GSE1: variants seen among roughly 807,000 people sequenced by gnomAD.
GSE1 encodes the protein Gse1 coiled-coil protein.
Under a neutral mutation model 112.6 loss-of-function variants are expected in GSE1, and 32 were observed. That is an observed-to-expected ratio of 0.28 (90% confidence interval 0.21 to 0.38). GSE1 has a LOEUF of 0.38. GSE1 is among the 10% of genes least tolerant of loss of function. The probability of loss-of-function intolerance (pLI) is 1.00; values close to 1 mark genes in which losing one functional copy is unlikely to be tolerated. For missense variants in GSE1, 2,348 were observed against 1,699.2 expected (o/e 1.38, Z -6.71); for synonymous variants, 1,115 against 735.6 (o/e 1.52, Z -8.35).
chr16:85,560,161 G>A (rs535444513), intron 1 of GSE1, among the ~76,000 whole-genome samples: 1 of 140,182 alleles, frequency 7.1e-6, no homozygotes, highest in Non-Finnish European at 1.5e-5. Context: ...ATGTGAGACG[G>A]AGTCTCTCTC....
At chr16:85,585,290 A>G (rs2046639675) in intron 1 of GSE1, among the ~76,000 whole-genome samples, 1 of 152,188 alleles carries the variant, frequency 6.6e-6, no homozygotes, top group African/African-American at 2.4e-5. Flanking sequence ...CAAGGGCTCC[A>G]GGAACCAGAG....
chr16:85,203,900 G>A (rs888880131), intron 1 of GSE1, among the ~76,000 whole-genome samples: 2 of 152,076 alleles, frequency 1.3e-5, no homozygotes, highest in African/African-American at 4.8e-5. Flanking sequence ...ACCATGACCC[G>A]CTGATTTTTA....
chr16:85,408,510 A>G (rs562654862), intron 2 of GSE1, among the ~76,000 whole-genome samples: 2 of 47,076 alleles, frequency 4.2e-5, no homozygotes, highest in African/African-American at 9.1e-5. Flanking sequence ...CCTCACTGTT[A>G]CACTCAGGCC....
At chr16:85,401,921 G>A (rs1361640328) in intron 2 of GSE1, among the ~76,000 whole-genome samples, 1 of 152,244 alleles carries the variant, frequency 6.6e-6, no homozygotes, top group Non-Finnish European at 1.5e-5. Context: ...GCCCCGCTGT[G>A]AGTGGGCACT....
chr16:85,384,749 T>C (rs1436917766), intron 2 of GSE1, among the ~76,000 whole-genome samples: 1 of 152,098 alleles, frequency 6.6e-6, no homozygotes, highest in Non-Finnish European at 1.5e-5. Context: ...AAGCCCAGGC[T>C]CTCCTGAGGG....
At chr16:85,346,788 T>G (rs2046750762) in intron 1 of GSE1, among the ~76,000 whole-genome samples, 1 of 145,010 alleles carries the variant, frequency 6.9e-6, no homozygotes, top group South Asian at 2.2e-4. Context: ...GATGGATGGA[T>G]GGACAGGTAG....
At chr16:85,198,009 C>T (rs1181714752) in intron 1 of GSE1, among the ~76,000 whole-genome samples, 1 of 152,302 alleles carries the variant, frequency 6.6e-6, no homozygotes, top group East Asian at 1.9e-4. Context: ...ACAACTCCTG[C>T]CTCCTACCGA....
At chr16:85,559,276 G>A (rs938611405) in intron 1 of GSE1, among the ~76,000 whole-genome samples, 3 of 152,246 alleles carry the variant, frequency 2.0e-5, no homozygotes, top group Admixed American at 2.0e-4. Context: ...GATGAGCAAA[G>A]TGAGACCCAG....
In GSE1 at chr16:85,674,125, C is replaced by T. The variant is rs994566977; in HGVS notation, c.*1586C>T. 3.3e-5 allele frequency: 5 copies of T among 152,330 alleles called. No homozygotes were observed. Among genetic ancestry groups the T allele is most frequent in the African/African-American group, 1.2e-4 (5 of 41,462 alleles). 9.4% of individuals were successfully genotyped at this position (152,330 alleles called of 1,614,324 possible). A position where few individuals can be genotyped will look rare whatever the true frequency, so the allele number is the denominator to read the frequency against. On this transcript the variant is annotated 3_prime_UTR_variant, in exon 16 of 16. Coordinates refer to ENST00000253458, the MANE Select transcript of GSE1 (RefSeq NM_014615.5). ...CACCAGAGGCCAGGGCTGCCAGTCA[C>T]TGGTCTGGGGGGTGGAGGCCTGAGC...
chr16:85,316,562 A>G (rs945395356), intron 1 of GSE1, among the ~76,000 whole-genome samples: 1 of 152,222 alleles, frequency 6.6e-6, no homozygotes, highest in African/African-American at 2.4e-5. Context: ...ACTGAGGTCC[A>G]CAGGGGTAAG....
intron 1 of GSE1, among the ~76,000 whole-genome samples, chr16:85,312,159 C>G (rs571577811): frequency 5.9e-4 from 83 of 139,766 alleles, no homozygotes; most frequent in Non-Finnish European, 1.1e-3. Context: ...GTGTGCCCAG[C>G]TCAGAGAACA....
intron 2 of GSE1, among the ~76,000 whole-genome samples, chr16:85,642,009 G>A (rs966037980): frequency 2.0e-4 from 31 of 152,384 alleles, no homozygotes; most frequent in African/African-American, 7.2e-4. Context: ...AGGCTCTGTG[G>A]ACCTGCCCCG....
intron 10 of GSE1, 65 bp from the exon 11 acceptor site, chr16:85,663,279 C>G (rs1021909036): frequency 1.3e-6 from 2 of 1,566,712 alleles, no homozygotes; most frequent in Non-Finnish European, 1.7e-6. Context: ...GGAGGGGACC[C>G]CGGGACAGTG....
intron 2 of GSE1, among the ~76,000 whole-genome samples, chr16:85,489,564 C>T (rs1477697434): frequency 1.3e-5 from 2 of 150,932 alleles, no homozygotes; most frequent in Non-Finnish European, 3.0e-5. Context: ...TGCCCCACAG[C>T]CCCCGCCCCA....
chr16:85,668,365 C>A lies in GSE1; in HGVS notation c.3356C>A (p.Pro1119His). Reference sequence around the variant, plus strand: ...GATGGAGAAGATGAGGAGGAAGTCCCCAAGCGCAAGTGGCAAGGGATCGAG... The same window carrying A: ...GATGGAGAAGATGAGGAGGAAGTCCACAAGCGCAAGTGGCAAGGGATCGAG... ...DEDGEDEEEVPKRKWQGIEAV... is the reference protein window; with the variant it reads ...DEDGEDEEEVHKRKWQGIEAV... Residue 1119 changes from proline to histidine, a missense_variant, in exon 14 of 16, where the codon CCC (proline) becomes CAC (histidine). Pro to His is a moderately conservative substitution (Grantham distance 77, BLOSUM62 -2). Transcript: ENST00000253458. 6.2e-7 allele frequency: 1 copy of A among 1,613,338 alleles called. No individual in the cohort carries two copies. Among genetic ancestry groups the A allele is most frequent in the Non-Finnish European group, 8.5e-7 (1 of 1,179,838 alleles).
intron 1 of GSE1, among the ~76,000 whole-genome samples, chr16:85,246,150 A>G (rs1276754170): frequency 6.7e-6 from 1 of 148,886 alleles, no homozygotes; most frequent in Non-Finnish European, 1.5e-5. Context: ...TTTGGTGGAC[A>G]TGGGGTGCCG....
At chr16:85,360,163 C>T (rs2047032811) in intron 2 of GSE1, among the ~76,000 whole-genome samples, 1 of 152,134 alleles carries the variant, frequency 6.6e-6, no homozygotes, top group East Asian at 1.9e-4. Context: ...AGTCCCTGGT[C>T]CCGGTGGCCA....
Position 85,675,985 on chromosome 16 carries a change from A to G in GSE1, c.*3446A>G, listed in dbSNP as rs147316249. 5.9e-5 allele frequency: 9 copies of G among 152,742 alleles called. No individual in the cohort carries two copies. Among genetic ancestry groups the G allele is most frequent in the East Asian group, 1.9e-4 (1 of 5,188 alleles). 9.5% of individuals were successfully genotyped at this position (152,742 alleles called of 1,614,324 possible). On this transcript the variant is annotated 3_prime_UTR_variant, in exon 16 of 16. Transcript: ENST00000253458. ...TTGTATGTACCCTGTGCTTAATTCTATAACAGTAAACCCCATACGCAGGTG... is the reference window on the plus strand; with the variant it reads ...TTGTATGTACCCTGTGCTTAATTCTGTAACAGTAAACCCCATACGCAGGTG...
intron 1 of GSE1, among the ~76,000 whole-genome samples, chr16:85,598,806 G>A (rs181536517): frequency 5.9e-5 from 9 of 152,336 alleles, no homozygotes; most frequent in Admixed American, 2.0e-4. Flanking sequence ...TTTGTGGTGC[G>A]GCCCCCTCGT....
Sources: gnomAD v4.1 joint callset for allele counts (sites outside exome capture counted in the v4.1 genomes callset) on GRCh38, gnomAD v4.1.1 for gene constraint, MANE v1.5 for transcripts, NCBI Gene and HGNC (gene_info 2026-07-23, HGNC 2026-07-21) for gene names.